The following CADM1 variants were observed in gnomAD, a reference collection of about 807,000 sequenced individuals.
CADM1 encodes cell adhesion molecule 1, also known as TSLC-1.
CADM1 carries 15 observed loss-of-function variants against 53.1 expected under a neutral mutation model. The ratio of observed to expected loss-of-function variants is 0.28; its 90% confidence interval spans 0.19 to 0.44. The LOEUF (loss-of-function observed/expected upper bound fraction) is 0.44. Ranked by LOEUF, CADM1 falls within the 20% of genes least tolerant of loss-of-function variation. The pLI, the probability that CADM1 is intolerant of heterozygous loss-of-function variation, is 1.00. For missense variants in CADM1, 434 were observed against 611.3 expected (o/e 0.71, Z 3.06); for synonymous variants, 281 against 243.0 (o/e 1.16, Z -1.45).
At position 115,176,128 on chromosome 11, in the gene CADM1, G is replaced by A. The variant is rs1591574249; in HGVS notation, c.*346C>T. 1 of 1,133,222 alleles carries A rather than the reference G, an allele frequency of 8.8e-7. No homozygotes were observed. Among genetic ancestry groups the A allele is most frequent in the South Asian group, 2.1e-5 (1 of 47,600 alleles). 70.2% of individuals were successfully genotyped at this position (1,133,222 alleles called of 1,614,324 possible). On this transcript the variant is annotated 3_prime_UTR_variant, in exon 12 of 12. Transcript: ENST00000331581. ...ATTGGGGTAGAGGGAGGAAATAAAT[G>A]TGCACAAAGGGGGAAAAGAAAGGAA...
intron 9 of CADM1, among the ~76,000 whole-genome samples, chr11:115,196,325 T>C (rs531637346): frequency 1.1e-4 from 16 of 152,216 alleles, no homozygotes; most frequent in African/African-American, 3.4e-4. Flanking sequence ...GGGACAAATT[T>C]CCTACTTCGA....
At position 115,293,433 on chromosome 11, in the gene CADM1, A is replaced by T. The variant is rs536355953; in HGVS notation, c.125-53013T>A. 3.9e-5 allele frequency among the ~76,000 whole-genome samples: 6 copies of T among 152,260 alleles called. No individual in the cohort carries two copies. The South Asian group carries it at 1.2e-3, about 32-fold the overall frequency. On this transcript the variant is annotated intron_variant, in intron 1 of 11. Coordinates refer to ENST00000331581, the MANE Select transcript of CADM1 (RefSeq NM_001301043.2). ...GGGCGACAGAGCGAGACTCCGTCTC[A>T]AAAAGAAAAAAAAAAGATCCAGTAT...
At chr11:115,199,102 A>G (rs558728050) in intron 8 of CADM1, among the ~76,000 whole-genome samples, 5 of 151,602 alleles carry the variant, frequency 3.3e-5, no homozygotes, top group African/African-American at 1.2e-4. Context: ...TAGTTTCTAT[A>G]CACACACACA....
intron 1 of CADM1, among the ~76,000 whole-genome samples, chr11:115,303,001 C>G (rs886299046): frequency 2.6e-5 from 4 of 152,056 alleles, no homozygotes; most frequent in African/African-American, 9.7e-5. Flanking sequence ...GACATGAAAA[C>G]AAACCAACTG....
chr11:115,415,460 AAAGTT>A (rs1337783626), intron 1 of CADM1, among the ~76,000 whole-genome samples: 1 of 152,172 alleles, frequency 6.6e-6, no homozygotes, highest in Non-Finnish European at 1.5e-5. Context: ...CAAGTTTTCA[AAAGTT>A]AAGAGAAGAC....
At chr11:115,262,467 G>A (rs1422139003) in intron 1 of CADM1, among the ~76,000 whole-genome samples, 5 of 152,156 alleles carry the variant, frequency 3.3e-5, no homozygotes, top group South Asian at 4.1e-4. Context: ...GGTCTCCCAC[G>A]ACTAGGTTAA....
chr11:115,179,299 C>T lies in CADM1; in HGVS notation c.1166-524G>A, dbSNP rs1252500999. 4.6e-5 allele frequency among the ~76,000 whole-genome samples: 7 copies of T among 152,204 alleles called. No homozygotes were observed. The East Asian group carries it at 1.3e-3, about 29-fold the overall frequency. On this transcript the variant is annotated intron_variant, in intron 10 of 11. Transcript: ENST00000331581. ...AAAACAAGGATTATAAGACTAAAGACAAATGACAGGCTTGCTACATTTAGG... is the reference window on the plus strand; with the variant it reads ...AAAACAAGGATTATAAGACTAAAGATAAATGACAGGCTTGCTACATTTAGG...
At chr11:115,477,632 CTG>C (rs1343218773) in intron 1 of CADM1, among the ~76,000 whole-genome samples, 1 of 152,246 alleles carries the variant, frequency 6.6e-6, no homozygotes, top group African/African-American at 2.4e-5. Context: ...CTGCTCCACT[CTG>C]TGTGCTAACA....
At chr11:115,498,525 G>C (rs1475399131) in intron 1 of CADM1, among the ~76,000 whole-genome samples, 1 of 152,152 alleles carries the variant, frequency 6.6e-6, no homozygotes. Context: ...ACAGTTGAGG[G>C]ACTAGCTACA....
In CADM1 at chr11:115,489,844, T is replaced by A. The variant is rs1179594037; in HGVS notation, c.124+14427A>T. ...TTCAGAATGCAGTGCTTGAGGTGAA[T>A]CTTGAGAGAGATGTAGGAACTAGCC... is the stretch of plus-strand genomic sequence containing the variant. On this transcript the variant is annotated intron_variant, in intron 1 of 11. Coordinates refer to ENST00000331581, the MANE Select transcript of CADM1 (RefSeq NM_001301043.2). Among the ~76,000 whole-genome samples, 3 of 152,166 alleles carry A rather than the reference T, an allele frequency of 2.0e-5. No homozygotes were observed. The East Asian group carries it at 5.8e-4, about 29-fold the overall frequency.
chr11:115,294,322 C>T (rs1217873533), intron 1 of CADM1, among the ~76,000 whole-genome samples: 1 of 152,126 alleles, frequency 6.6e-6, no homozygotes, highest in East Asian at 1.9e-4. Flanking sequence ...CACCTACAGC[C>T]TCCACTTCCT....
At chr11:115,368,110 C>CT (rs58589028) in intron 1 of CADM1, among the ~76,000 whole-genome samples, 726 of 61,880 alleles carry the variant, frequency 0.012, 34 homozygotes, top group East Asian at 0.02. Flanking sequence ...TCACTAGAGT[C>CT]TTTTTTTTTT....
chr11:115,340,643 TATATA>T (rs1945409132), intron 1 of CADM1, among the ~76,000 whole-genome samples: 1 of 33,480 alleles, frequency 3.0e-5, no homozygotes, highest in African/African-American at 9.9e-5. Context: ...TATATATATA[TATATA>T]TATATATATA....
chr11:115,283,303 G>C (rs1298776072), intron 1 of CADM1, among the ~76,000 whole-genome samples: 1 of 152,182 alleles, frequency 6.6e-6, no homozygotes, highest in Admixed American at 6.5e-5. Flanking sequence ...GAGGAAGAAA[G>C]GATAGGTTGG....
intron 1 of CADM1, among the ~76,000 whole-genome samples, chr11:115,467,495 C>T (rs556351727): frequency 1.9e-4 from 29 of 152,306 alleles, no homozygotes; most frequent in Non-Finnish European, 3.2e-4. Context: ...CCTAAATGCT[C>T]ATGGGGCCAC....
chr11:115,316,442 G>GC (rs1944668500), intron 1 of CADM1, among the ~76,000 whole-genome samples: 1 of 152,094 alleles, frequency 6.6e-6, no homozygotes, highest in African/African-American at 2.4e-5. Flanking sequence ...AAAGGAAGAG[G>GC]CAGAGGTTTG....
intron 10 of CADM1, among the ~76,000 whole-genome samples, chr11:115,187,276 C>T (rs1039216756): frequency 1.3e-5 from 2 of 152,138 alleles, no homozygotes; most frequent in Non-Finnish European, 2.9e-5. Flanking sequence ...CTAAATGGTA[C>T]AGCTACTGAC....
At chr11:115,416,504 A>G (rs999659719) in intron 1 of CADM1, among the ~76,000 whole-genome samples, 1 of 152,172 alleles carries the variant, frequency 6.6e-6, no homozygotes, top group Non-Finnish European at 1.5e-5. Context: ...CAGCACAGAC[A>G]GAACAAGCAC....
At chr11:115,420,407 T>G (rs1399612298) in intron 1 of CADM1, among the ~76,000 whole-genome samples, 1 of 152,192 alleles carries the variant, frequency 6.6e-6, no homozygotes, top group East Asian at 1.9e-4. Context: ...TGACTCAGTC[T>G]GTTTTGTTTA....
Sources: gnomAD v4.1 joint callset for allele counts (sites outside exome capture counted in the v4.1 genomes callset) on GRCh38, gnomAD v4.1.1 for gene constraint, MANE v1.5 for transcripts, NCBI Gene and HGNC (gene_info 2026-07-23, HGNC 2026-07-21) for gene names.